Variants in SLIT3 observed in about 807,000 individuals in gnomAD.
SLIT3 encodes the protein slit homolog 3 protein.
In SLIT3, 68 loss-of-function variants were observed where a neutral mutation model predicts 184.0. That is an observed-to-expected ratio of 0.37 (90% CI 0.30 to 0.45). The LOEUF is 0.45. Ranked by LOEUF, SLIT3 falls within the 20% of genes least tolerant of loss-of-function variation. The pLI is 1.00. For synonymous variants in SLIT3, 831 were observed against 828.6 expected, an observed-to-expected ratio of 1.00 and a Z score of -0.05; for missense variants, 1,707 against 2,026.0, an observed-to-expected ratio of 0.84 and a Z score of 3.02.
At chr5:168,708,221 A>C (rs1762435400) in intron 25 of SLIT3, 121 bp from the exon 26 acceptor site, 1 of 1,379,298 alleles carries the variant, frequency 7.3e-7, no homozygotes, top group South Asian at 1.3e-5. Flanking sequence ...CTCCATGCCC[A>C]GATGGCAGCT....
intron 1 of SLIT3, among the ~76,000 whole-genome samples, chr5:169,288,712 C>T (rs1017610791): frequency 6.6e-6 from 1 of 152,104 alleles, no homozygotes; most frequent in African/African-American, 2.4e-5. Context: ...TTATTTGGTC[C>T]TACTGTCTTG....
At position 168,747,617 on chromosome 5, in the gene SLIT3, TG is replaced by T. The variant is rs1259832739; in HGVS notation, c.2270+684del. 2.0e-5 allele frequency among the ~76,000 whole-genome samples: 3 copies of T among 152,044 alleles called. No homozygotes were observed. The South Asian group carries it at 6.2e-4, about 32-fold the overall frequency. On this transcript the variant is annotated intron_variant, in intron 20 of 35. Coordinates refer to ENST00000519560, the MANE Select transcript of SLIT3 (RefSeq NM_003062.4). ...CCTTGTCCTTCTGTCTGTGCTTTCC[TG>T]GGGGGCAGAAATAGGATTTTCTCCA...
At chr5:168,931,472 T>A (rs531854492) in intron 4 of SLIT3, among the ~76,000 whole-genome samples, 3 of 152,302 alleles carry the variant, frequency 2.0e-5, no homozygotes. Flanking sequence ...TGGCCCCTGG[T>A]GTCACTGAGC....
chr5:169,108,586 T>C (rs892163383), intron 4 of SLIT3, among the ~76,000 whole-genome samples: 2 of 152,180 alleles, frequency 1.3e-5, no homozygotes, highest in African/African-American at 4.8e-5. Context: ...GAGGTATCTG[T>C]AACCCTTGAG....
At chr5:168,748,842 T>C (rs1581035114) in intron 19 of SLIT3, among the ~76,000 whole-genome samples, 1 of 152,334 alleles carries the variant, frequency 6.6e-6, no homozygotes, top group East Asian at 1.9e-4. Flanking sequence ...CATTGTGCCT[T>C]AATCTCAGTT....
chr5:169,261,217 G>T (rs1414330384), intron 1 of SLIT3, among the ~76,000 whole-genome samples: 1 of 151,598 alleles, frequency 6.6e-6, no homozygotes, highest in African/African-American at 2.4e-5. Context: ...AGGCATCCAG[G>T]AACAGGTGAC....
intron 3 of SLIT3, among the ~76,000 whole-genome samples, chr5:169,218,628 A>G (rs1425887062): frequency 2.0e-5 from 3 of 152,104 alleles, no homozygotes; most frequent in Non-Finnish European, 4.4e-5. Flanking sequence ...GTGATTTAAC[A>G]CCCCTAAAAC....
At chr5:168,721,685 T>A (rs151246949) in intron 23 of SLIT3, among the ~76,000 whole-genome samples, 1 of 152,216 alleles carries the variant, frequency 6.6e-6, no homozygotes, top group East Asian at 1.9e-4. Flanking sequence ...GGAAGAAATC[T>A]GATATTTAAA....
Position 168,975,031 on chromosome 5 carries a change from A to G in SLIT3, c.414-91695T>C, listed in dbSNP as rs140535009. Among the ~76,000 whole-genome samples the G allele has an allele frequency of 7.2e-5, 11 of 152,274 alleles. No individual in the cohort carries two copies. In the East Asian group the frequency reaches 2.1e-3, roughly 29 times the overall value. Reference sequence around the variant, plus strand: ...CCACACATAACCACAGCATCCTCAGACTGGTGCTCCAGGCAGGTAGAAAAG... The same window carrying G: ...CCACACATAACCACAGCATCCTCAGGCTGGTGCTCCAGGCAGGTAGAAAAG... On this transcript the variant is annotated intron_variant, in intron 4 of 35. Coordinates refer to ENST00000519560, the MANE Select transcript of SLIT3 (RefSeq NM_003062.4).
At chr5:168,937,424 A>G (rs10060319) in intron 4 of SLIT3, among the ~76,000 whole-genome samples, 12,324 of 152,148 alleles carry the variant, frequency 0.081, 1,102 homozygotes, top group African/African-American at 0.23. Context: ...GAACACTGAG[A>G]AGGGAGCAGA....
At position 168,715,057 on chromosome 5, in the gene SLIT3, G is replaced by T. The variant is rs959425093; in HGVS notation, c.2484-2703C>A. 1.3e-5 allele frequency among the ~76,000 whole-genome samples: 2 copies of T among 152,178 alleles called. 1 individual carries two copies. The highest frequency in any genetic ancestry group is 3.9e-4 in the East Asian group (2 of 5,192). On this transcript the variant is annotated intron_variant, in intron 23 of 35. Transcript: ENST00000519560. ...ATCCTCATTCTAAATGTGGGTGTGGGTGGGTGAATTCTCTTCTGAGCAGGC... is the reference window on the plus strand; with the variant it reads ...ATCCTCATTCTAAATGTGGGTGTGGTTGGGTGAATTCTCTTCTGAGCAGGC...
intron 1 of SLIT3, among the ~76,000 whole-genome samples, chr5:169,296,621 C>A (rs1184195272): frequency 6.6e-6 from 1 of 152,208 alleles, no homozygotes; most frequent in African/African-American, 2.4e-5. Context: ...TGGAAAGTCT[C>A]TCACTTGACC....
chr5:168,974,894 C>A (rs182257682), intron 4 of SLIT3, among the ~76,000 whole-genome samples: 2 of 152,196 alleles, frequency 1.3e-5, no homozygotes, highest in African/African-American at 4.8e-5. Flanking sequence ...TAGCACACCC[C>A]GGAGAATGGG....
Position 168,880,351 on chromosome 5 carries a change from C to T in SLIT3, c.485+2914G>A, listed in dbSNP as rs560350078. On this transcript the variant is annotated intron_variant, in intron 5 of 35. Coordinates refer to ENST00000519560, the MANE Select transcript of SLIT3 (RefSeq NM_003062.4). ...GCAGTCAAGGCTCTCCAGCAACCGG[C>T]TTCCACCTCTCTTTCTAACCCAATC... Among the ~76,000 whole-genome samples, 136 of 152,348 alleles carry T rather than the reference C, an allele frequency of 8.9e-4. 2 individuals are homozygous for T. The highest frequency in any genetic ancestry group is 6.8e-3 in the Middle Eastern group (2 of 294).
At chr5:169,125,544 C>A (rs1241197562) in intron 4 of SLIT3, among the ~76,000 whole-genome samples, 2 of 152,120 alleles carry the variant, frequency 1.3e-5, no homozygotes, top group Non-Finnish European at 2.9e-5. Context: ...GAAGGTTTAC[C>A]CTGACTCCCA....
At chr5:168,977,852 C>CA (rs1289036643) in intron 4 of SLIT3, among the ~76,000 whole-genome samples, 1 of 152,126 alleles carries the variant, frequency 6.6e-6, no homozygotes, top group Non-Finnish European at 1.5e-5. Flanking sequence ...CCTGAGCCCT[C>CA]AGAGATGGAA....
chr5:169,249,440 A>C (rs1205423365), intron 2 of SLIT3, among the ~76,000 whole-genome samples: 1 of 152,248 alleles, frequency 6.6e-6, no homozygotes, highest in Non-Finnish European at 1.5e-5. Flanking sequence ...TGATTATTTT[A>C]AACTTTCTAT....
intron 8 of SLIT3, among the ~76,000 whole-genome samples, chr5:168,816,887 G>C (rs1334615079): frequency 6.6e-6 from 1 of 152,166 alleles, no homozygotes; most frequent in Non-Finnish European, 1.5e-5. Context: ...GAGATTTCCA[G>C]CCAAGCAGCT....
intron 4 of SLIT3, among the ~76,000 whole-genome samples, chr5:169,055,835 A>G (rs76077234): frequency 2.1e-5 from 2 of 96,880 alleles, no homozygotes; most frequent in African/African-American, 5.9e-5. Context: ...GTCTCGGAGG[A>G]AAAAAAAAAA....
Sources: gnomAD v4.1 joint callset for allele counts (sites outside exome capture counted in the v4.1 genomes callset) on GRCh38, gnomAD v4.1.1 for gene constraint, MANE v1.5 for transcripts, NCBI Gene and HGNC (gene_info 2026-07-23, HGNC 2026-07-21) for gene names.